Variants in SH2D4B observed in about 807,000 individuals in gnomAD.
SH2D4B encodes SH2 domain-containing protein 4B.
SH2D4B carries 45 observed loss-of-function variants against 61.5 expected under a neutral mutation model. The ratio of observed to expected loss-of-function variants is 0.73; its 90% CI spans 0.58 to 0.94. The LOEUF (loss-of-function observed/expected upper bound fraction) is 0.94. Ranked by LOEUF, SH2D4B falls within the 40% of genes least tolerant of loss-of-function variation. SH2D4B has a pLI of 0.00. For missense variants in SH2D4B, 572 were observed against 574.2 expected (o/e 1.00, Z 0.04); for synonymous variants, 224 against 220.4 (o/e 1.02, Z -0.14).
intron 4 of SH2D4B, among the ~76,000 whole-genome samples, chr10:80,591,155 T>C (rs78649669): frequency 2.0e-5 from 3 of 151,868 alleles, no homozygotes; most frequent in Admixed American, 6.6e-5. Flanking sequence ...TTGATGAACA[T>C]TTGGGTTGTT....
At chr10:80,601,223 A>G (rs1842449417) in intron 4 of SH2D4B, among the ~76,000 whole-genome samples, 1 of 152,112 alleles carries the variant, frequency 6.6e-6, no homozygotes, top group Non-Finnish European at 1.5e-5. Flanking sequence ...CTTTCTCTGG[A>G]AAACTCTTAT....
At chr10:80,565,148 C>T (rs1479507778) in intron 1 of SH2D4B, among the ~76,000 whole-genome samples, 1 of 152,196 alleles carries the variant, frequency 6.6e-6, no homozygotes, top group Non-Finnish European at 1.5e-5. Flanking sequence ...GCTGATACTC[C>T]TAAGTTACGG....
intron 1 of SH2D4B, among the ~76,000 whole-genome samples, chr10:80,544,663 C>T (rs2132102105): frequency 6.6e-6 from 1 of 152,362 alleles, no homozygotes; most frequent in South Asian, 2.1e-4. Context: ...TGCATGGAGC[C>T]CTGCACCTGC....
At chr10:80,609,291 T>A (rs1194364851) in intron 5 of SH2D4B, 133 bp from the exon 6 acceptor site, 210 of 380,416 alleles carry the variant, frequency 5.5e-4, no homozygotes, top group East Asian at 1.2e-3. Flanking sequence ...CCCCTGCCCC[T>A]TCTTCCACCC....
In SH2D4B at chr10:80,638,719, G is replaced by A. The variant is rs184867718; in HGVS notation, c.1209+4214G>A. 1.3e-3 allele frequency among the ~76,000 whole-genome samples: 198 copies of A among 151,916 alleles called. 2 individuals are homozygous for A. Among genetic ancestry groups the A allele is most frequent in the African/African-American group, 4.6e-3 (189 of 41,414 alleles). On this transcript the variant is annotated intron_variant, in intron 7 of 7. Coordinates refer to ENST00000646907, the MANE Select transcript of SH2D4B (RefSeq NM_001388272.1). ...CTGCTAGTGGTCTATCAATTTTGTC[G>A]ATCTTTTCAAAAAACCAGCTCCTGG...
chr10:80,559,203 C>T (rs1026041129), intron 1 of SH2D4B, among the ~76,000 whole-genome samples: 1 of 152,090 alleles, frequency 6.6e-6, no homozygotes, highest in South Asian at 2.1e-4. Flanking sequence ...GTTCCTTCTT[C>T]CTACTCTCTT....
intron 6 of SH2D4B, among the ~76,000 whole-genome samples, chr10:80,629,858 G>C (rs553265919): frequency 6.6e-6 from 1 of 152,142 alleles, no homozygotes; most frequent in South Asian, 2.1e-4. Flanking sequence ...TGCTCTCAAG[G>C]CTACCCATGG....
chr10:80,595,490 G>A (rs760358672), intron 4 of SH2D4B, among the ~76,000 whole-genome samples: 4 of 152,106 alleles, frequency 2.6e-5, no homozygotes, highest in Admixed American at 1.3e-4. Flanking sequence ...AATCTTCCCC[G>A]CTTCAGGGAC....
Position 80,634,396 on chromosome 10 carries a change from A to C in SH2D4B, c.1100A>C (p.Gln367Pro). Residue 367 changes from glutamine to proline, a missense_variant, in exon 7 of 8, where the codon CAG becomes CCG. By Grantham distance (76) the Gln-to-Pro change is moderately conservative (BLOSUM62 -1). Transcript: ENST00000646907. The stretch of plus-strand genomic sequence containing the variant: ...GGTTACACCCTCTCCTACCGCCTGC[A>C]GAAAGGGTTCAAACACTTTCTTGTG... The part of the protein sequence containing the change: ...IWGYTLSYRL[Q>P]KGFKHFLVDA... 6.4e-7 allele frequency: 1 copy of C among 1,550,644 alleles called. No individual in the cohort carries two copies.
At chr10:80,567,708 A>G (rs1841987297) in intron 1 of SH2D4B, among the ~76,000 whole-genome samples, 1 of 152,222 alleles carries the variant, frequency 6.6e-6, no homozygotes, top group Non-Finnish European at 1.5e-5. Flanking sequence ...CCTGCCTTGC[A>G]GTGAAGAGAA....
intron 7 of SH2D4B, among the ~76,000 whole-genome samples, chr10:80,641,491 C>T (rs953085677): frequency 6.6e-6 from 1 of 152,250 alleles, no homozygotes; most frequent in African/African-American, 2.4e-5. Flanking sequence ...CTACTCAAGC[C>T]CAGCAATGGC....
At chr10:80,630,898 G>A (rs1156666683) in intron 6 of SH2D4B, among the ~76,000 whole-genome samples, 1 of 152,196 alleles carries the variant, frequency 6.6e-6, no homozygotes, top group African/African-American at 2.4e-5. Context: ...GCTGTCTGCT[G>A]TGCCTGAGCC....
intron 3 of SH2D4B, among the ~76,000 whole-genome samples, chr10:80,573,729 A>C (rs967788042): frequency 2.2e-4 from 34 of 152,334 alleles, no homozygotes; most frequent in African/African-American, 8.2e-4. Context: ...CTTTAAAATA[A>C]ATTTTAACAT....
intron 6 of SH2D4B, among the ~76,000 whole-genome samples, chr10:80,632,422 C>G (rs76791597): frequency 0.027 from 4,089 of 152,138 alleles, 190 homozygotes; most frequent in African/African-American, 0.094. Flanking sequence ...AAGTAATAAA[C>G]GTTACAATAA....
intron 3 of SH2D4B, among the ~76,000 whole-genome samples, chr10:80,580,246 C>G (rs1842173058): frequency 6.6e-6 from 1 of 152,214 alleles, no homozygotes; most frequent in African/African-American, 2.4e-5. Flanking sequence ...AGCTTCTGGT[C>G]AGAAGCTGGT....
At chr10:80,587,005 A>G (rs1469596036) in intron 3 of SH2D4B, among the ~76,000 whole-genome samples, 1 of 152,080 alleles carries the variant, frequency 6.6e-6, no homozygotes, top group African/African-American at 2.4e-5. Context: ...AACTCCGAAC[A>G]CATCCGAACA....
Position 80,634,467 on chromosome 10 carries a change from C to T in SH2D4B, c.1171C>T (p.Arg391Cys), listed in dbSNP as rs772771950. ...CAGCTTCCTGGGAGTGGACCCCAAT[C>T]GCCATGCAACGCTCACGGATCTCGT... Reference protein sequence around the residue: ...FYSFLGVDPNRHATLTDLVDF... With the variant: ...FYSFLGVDPNCHATLTDLVDF... Residue 391 changes from arginine (R) to cysteine (C), a missense_variant, in exon 7 of 8, where the codon CGC becomes TGC. Arg to Cys is a radical substitution (Grantham distance 180). Transcript: ENST00000646907. The T allele has an allele frequency of 1.1e-5, 17 of 1,550,316 alleles. No individual in the cohort carries two copies. The highest frequency in any genetic ancestry group is 9.5e-5 in the South Asian group (8 of 84,054).
chr10:80,620,385 C>T (rs1347280505), intron 6 of SH2D4B, among the ~76,000 whole-genome samples: 1 of 152,200 alleles, frequency 6.6e-6, no homozygotes, highest in Non-Finnish European at 1.5e-5. Context: ...TTCTTGAGGC[C>T]TCCCAGCCAT....
At chr10:80,608,200 A>G (rs1842542697) in intron 5 of SH2D4B, among the ~76,000 whole-genome samples, 1 of 152,190 alleles carries the variant, frequency 6.6e-6, no homozygotes, top group African/African-American at 2.4e-5. Context: ...CTGCCCAGAA[A>G]ATAGAAAGTA....
Sources: allele counts gnomAD v4.1 joint callset (sites outside exome capture counted in the v4.1 genomes callset), GRCh38; gene constraint gnomAD v4.1.1; transcripts MANE v1.5; gene names NCBI Gene and HGNC (gene_info 2026-07-23, HGNC 2026-07-21).